The following FGD4 variants were observed in gnomAD, a reference collection of about 807,000 sequenced individuals.
FGD4 encodes FYVE, RhoGEF and PH domain-containing protein 4.
A neutral mutation model predicts 102.0 loss-of-function variants in FGD4; 42 were observed. That is an observed-to-expected ratio of 0.41 (90% confidence interval 0.32 to 0.53). The LOEUF is 0.53. Ranked by LOEUF, FGD4 falls within the 20% of genes least tolerant of loss-of-function variation. The pLI, the probability that FGD4 is intolerant of heterozygous loss-of-function variation, is 0.21. For synonymous variants in FGD4, 380 were observed against 375.7 expected (o/e 1.01, Z -0.13); for missense variants, 902 against 1,078.2 (o/e 0.84, Z 2.29).
intron 1 of FGD4, among the ~76,000 whole-genome samples, chr12:32,549,482 A>G (rs1209813074): frequency 2.0e-5 from 3 of 152,160 alleles, no homozygotes; most frequent in African/African-American, 4.8e-5. Context: ...TATTAACAGA[A>G]TTCAGGAAAT....
At chr12:32,618,926 GTGA>G (rs1949618136) in intron 10 of FGD4, among the ~76,000 whole-genome samples, 1 of 152,216 alleles carries the variant, frequency 6.6e-6, no homozygotes, top group Admixed American at 6.5e-5. Flanking sequence ...TGTAGCCTGG[GTGA>G]TAGAGTGAGA....
At chr12:32,492,223 T>C (rs978319439) in intron 1 of FGD4, among the ~76,000 whole-genome samples, 1 of 152,218 alleles carries the variant, frequency 6.6e-6, no homozygotes, top group African/African-American at 2.4e-5. Context: ...ATTGGGCTGT[T>C]ACAGAAATTA....
chr12:32,542,966 T>C (rs1193186086), intron 1 of FGD4, among the ~76,000 whole-genome samples: 1 of 152,182 alleles, frequency 6.6e-6, no homozygotes, highest in Non-Finnish European at 1.5e-5. Flanking sequence ...TCTTCAGCTC[T>C]ACCTGGAGTT....
chr12:32,403,596 T>TC (rs1424733727), intron 1 of FGD4, among the ~76,000 whole-genome samples: 13 of 115,176 alleles, frequency 1.1e-4, no homozygotes, highest in Admixed American at 3.4e-4. Context: ...GCAGCAAAAC[T>TC]CCATCTTTTT....
At chr12:32,593,334 A>G (rs1444448375) in intron 4 of FGD4, among the ~76,000 whole-genome samples, 2 of 152,208 alleles carry the variant, frequency 1.3e-5, no homozygotes, top group Non-Finnish European at 2.9e-5. Context: ...TGATTTACTC[A>G]TCTCCATCCC....
chr12:32,423,484 TG>T (rs1941721820), intron 1 of FGD4, among the ~76,000 whole-genome samples: 1 of 148,826 alleles, frequency 6.7e-6, no homozygotes, highest in African/African-American at 2.5e-5. Context: ...CCCAGCTACT[TG>T]GGAGGCCGAG....
intron 16 of FGD4, 196 bp downstream of exon 16, chr12:32,638,991 T>G: frequency 2.1e-6 from 3 of 1,408,064 alleles, no homozygotes; most frequent in Non-Finnish European, 1.9e-6. Flanking sequence ...TTTCTTCAGT[T>G]TGTGGATCAT....
At chr12:32,496,406 A>T (rs971197817) in intron 1 of FGD4, among the ~76,000 whole-genome samples, 1 of 152,192 alleles carries the variant, frequency 6.6e-6, no homozygotes, top group African/African-American at 2.4e-5. Context: ...ACCTGGTACT[A>T]TACATCTATT....
intron 10 of FGD4, among the ~76,000 whole-genome samples, chr12:32,619,432 T>C (rs1592430217): frequency 6.6e-6 from 1 of 151,670 alleles, no homozygotes; most frequent in South Asian, 2.1e-4. Flanking sequence ...ATCGAGACCA[T>C]CCTGGCTAAC....
intron 2 of FGD4, among the ~76,000 whole-genome samples, chr12:32,564,754 G>T (rs974788066): frequency 6.6e-6 from 1 of 152,220 alleles, no homozygotes; most frequent in Non-Finnish European, 1.5e-5. Context: ...AAGGTCTTCC[G>T]CAGAAAGGAA....
chr12:32,594,971 C>T (rs1339372674), intron 4 of FGD4, among the ~76,000 whole-genome samples: 4 of 149,782 alleles, frequency 2.7e-5, no homozygotes, highest in Non-Finnish European at 4.4e-5. Context: ...GCAGAGGTTG[C>T]AGTGAGCCAA....
At chr12:32,448,404 T>C (rs1388832656) in intron 1 of FGD4, among the ~76,000 whole-genome samples, 1 of 152,074 alleles carries the variant, frequency 6.6e-6, no homozygotes, top group African/African-American at 2.4e-5. Context: ...ACCCCTGTAA[T>C]CCTAGCACTT....
chr12:32,430,596 A>G (rs1162610808), intron 1 of FGD4, among the ~76,000 whole-genome samples: 2 of 151,048 alleles, frequency 1.3e-5, no homozygotes, highest in Admixed American at 1.3e-4. Context: ...TATTTAAAAA[A>G]ACTGTAATGG....
chr12:32,419,270 T>C (rs1941540660), intron 1 of FGD4, among the ~76,000 whole-genome samples: 1 of 152,204 alleles, frequency 6.6e-6, no homozygotes, highest in Non-Finnish European at 1.5e-5. Flanking sequence ...AGTCTTTCAC[T>C]GTAGCCCTCA....
chr12:32,472,944 A>G (rs939277604), intron 1 of FGD4, among the ~76,000 whole-genome samples: 5 of 152,106 alleles, frequency 3.3e-5, no homozygotes, highest in Non-Finnish European at 5.9e-5. Context: ...GGCACTCTGT[A>G]TCTAGCTCAA....
At chr12:32,475,361 A>G (rs544098682) in intron 1 of FGD4, among the ~76,000 whole-genome samples, 4 of 152,312 alleles carry the variant, frequency 2.6e-5, no homozygotes, top group African/African-American at 9.6e-5. Flanking sequence ...TAGGTAAAAA[A>G]TACTCCCACA....
intron 1 of FGD4, among the ~76,000 whole-genome samples, chr12:32,427,621 G>T (rs938366551): frequency 6.6e-6 from 1 of 152,148 alleles, no homozygotes; most frequent in Non-Finnish European, 1.5e-5. Flanking sequence ...GAATATCCTT[G>T]TTAATTTTCT....
In FGD4 at chr12:32,449,883, C is replaced by T. The variant is rs1942722468; in HGVS notation, c.166+49924C>T. 2.6e-5 allele frequency among the ~76,000 whole-genome samples: 4 copies of T among 152,104 alleles called. No homozygotes were observed. The South Asian group carries it at 8.3e-4, about 32-fold the overall frequency. ...TCTCCCAAGTAGCTGGTTCCACAGG[C>T]ATGTACCACTATGCCCAGCTAATTT... On this transcript the variant is annotated intron_variant, in intron 1 of 16. Coordinates refer to ENST00000534526, the MANE Select transcript of FGD4 (RefSeq NM_001370298.3).
At chr12:32,587,187 CAAAA>C (rs1181469038) in intron 4 of FGD4, among the ~76,000 whole-genome samples, 5 of 66,146 alleles carry the variant, frequency 7.6e-5, no homozygotes, top group African/African-American at 1.9e-4. Context: ...GAGACTCTCT[CAAAA>C]AAAAAAAAAA....
Sources: allele counts gnomAD v4.1 joint callset (sites outside exome capture counted in the v4.1 genomes callset), GRCh38; gene constraint gnomAD v4.1.1; transcripts MANE v1.5; gene names NCBI Gene and HGNC (gene_info 2026-07-23, HGNC 2026-07-21).